The following FAM13C variants were observed in gnomAD, a reference collection of about 807,000 sequenced individuals.
FAM13C encodes the protein protein FAM13C.
Under a neutral mutation model 73.2 loss-of-function variants are expected in FAM13C, and 37 were observed. That is an observed-to-expected ratio of 0.51 (90% CI 0.39 to 0.67). The LOEUF (loss-of-function observed/expected upper bound fraction) is 0.67. Ranked by LOEUF, FAM13C falls within the 30% of genes least tolerant of loss-of-function variation. The pLI is 0.00. For synonymous variants in FAM13C, 246 were observed against 260.9 expected (o/e 0.94, Z 0.55); for missense variants, 589 against 715.6 (o/e 0.82, Z 2.02).
Position 59,323,991 on chromosome 10 carries a change from G to C in FAM13C, c.440C>G (p.Pro147Arg). ...FKCQETVRLQ[P>R]RIDQRTAISP... ...CTTCTGATAACAAAGGGCCCACCTT[G>C]GTTGAAGTCGCACTGTTTCTTGGCA... Residue 147 changes from proline (P) to arginine (R), a missense_variant, in exon 4 of 14, where the codon CCA becomes CGA. Coordinates refer to ENST00000618804, the MANE Select transcript of FAM13C (RefSeq NM_198215.4). The C allele has an allele frequency of 1.2e-6, 2 of 1,612,416 alleles. No homozygotes were observed.
intron 4 of FAM13C, among the ~76,000 whole-genome samples, chr10:59,321,431 CCTTTTTTTTTTTTT>C (rs1295070111): frequency 2.7e-5 from 3 of 109,856 alleles, no homozygotes; most frequent in Admixed American, 9.6e-5. Context: ...CCTGCCAACA[CCTTTTTTTTTTTTT>C]TTTTTTTTTT....
At chr10:59,308,712 A>G (rs887136712) in intron 4 of FAM13C, among the ~76,000 whole-genome samples, 1 of 152,222 alleles carries the variant, frequency 6.6e-6, no homozygotes, top group African/African-American at 2.4e-5. Flanking sequence ...TGCTGATATG[A>G]AAAGAGCTTT....
At chr10:59,254,233 C>T in intron 11 of FAM13C, 115 bp downstream of exon 11, 2 of 612,354 alleles carry the variant, frequency 3.3e-6, no homozygotes, top group Non-Finnish European at 5.3e-6. Context: ...GACAACTAGC[C>T]TTGTTTGCAG....
At chr10:59,339,373 C>T (rs1853190314) in intron 3 of FAM13C, among the ~76,000 whole-genome samples, 1 of 150,874 alleles carries the variant, frequency 6.6e-6, no homozygotes, top group African/African-American at 2.4e-5. Flanking sequence ...AAAGAAATTC[C>T]CTCTTATGGT....
chr10:59,346,059 C>CAGT (rs1287237094), intron 3 of FAM13C, among the ~76,000 whole-genome samples: 1 of 152,150 alleles, frequency 6.6e-6, no homozygotes, highest in East Asian at 1.9e-4. Flanking sequence ...TTTAGCTTTC[C>CAGT]AGTGCTTTCA....
At chr10:59,249,265 G>C (rs527567001) in intron 13 of FAM13C, among the ~76,000 whole-genome samples, 2 of 151,874 alleles carry the variant, frequency 1.3e-5, no homozygotes, top group South Asian at 4.1e-4. Flanking sequence ...TTAGCCACGC[G>C]TGGTGGCGTA....
intron 4 of FAM13C, among the ~76,000 whole-genome samples, chr10:59,311,407 T>C (rs2133933309): frequency 6.6e-6 from 1 of 152,314 alleles, no homozygotes; most frequent in South Asian, 2.1e-4. Context: ...GGAGTAATAA[T>C]TATAGCAGCA....
chr10:59,313,083 T>C (rs1849121071), intron 4 of FAM13C, among the ~76,000 whole-genome samples: 1 of 152,176 alleles, frequency 6.6e-6, no homozygotes, highest in South Asian at 2.1e-4. Flanking sequence ...AGTTAGTTCC[T>C]TTCTCCCTGA....
At chr10:59,284,321 A>T (rs919399279) in intron 5 of FAM13C, among the ~76,000 whole-genome samples, 2 of 151,992 alleles carry the variant, frequency 1.3e-5, no homozygotes, top group African/African-American at 4.8e-5. Flanking sequence ...GGTGAAAGTG[A>T]GTCAGCCTGA....
intron 9 of FAM13C, chr10:59,263,832 T>G (rs550813553): frequency 2.1e-6 from 1 of 476,176 alleles, no homozygotes; most frequent in East Asian, 3.8e-5. Context: ...TGTTGAAATG[T>G]TCCTGGCATT....
At chr10:59,272,578 T>C (rs1843834151) in intron 6 of FAM13C, among the ~76,000 whole-genome samples, 1 of 152,198 alleles carries the variant, frequency 6.6e-6, no homozygotes, top group Non-Finnish European at 1.5e-5. Context: ...GGCACATTAC[T>C]TTCTATCCCC....
At chr10:59,314,106 T>A (rs1849252073) in intron 4 of FAM13C, among the ~76,000 whole-genome samples, 1 of 152,036 alleles carries the variant, frequency 6.6e-6, no homozygotes, top group African/African-American at 2.4e-5. Context: ...AGAAGGTGCA[T>A]GAAAAGCTGG....
intron 4 of FAM13C, among the ~76,000 whole-genome samples, chr10:59,310,025 T>A (rs1185299232): frequency 6.6e-6 from 1 of 152,162 alleles, no homozygotes; most frequent in African/African-American, 2.4e-5. Context: ...CCTGAAGAGA[T>A]CTATGAAAGA....
chr10:59,254,316 C>T, intron 11 of FAM13C, 32 bp downstream of exon 11: 1 of 1,435,466 alleles, frequency 7.0e-7, no homozygotes, highest in South Asian at 1.3e-5. Flanking sequence ...CACATCAGTA[C>T]AAAGTAACAG....
At chr10:59,315,446 G>GT in intron 4 of FAM13C, among the ~76,000 whole-genome samples, 1 of 151,928 alleles carries the variant, frequency 6.6e-6, no homozygotes, top group African/African-American at 2.4e-5. Flanking sequence ...ATTTAGTGGG[G>GT]TTTTTTTTGT....
intron 8 of FAM13C, among the ~76,000 whole-genome samples, chr10:59,264,637 A>T (rs1247860794): frequency 6.6e-6 from 1 of 152,136 alleles, no homozygotes; most frequent in Admixed American, 6.6e-5. Context: ...CCCGTGGGAG[A>T]ATACTGAAAA....
intron 3 of FAM13C, 73 bp downstream of exon 3, chr10:59,352,197 G>C (rs1289940494): frequency 6.5e-7 from 1 of 1,550,230 alleles, no homozygotes; most frequent in Non-Finnish European, 8.8e-7. Flanking sequence ...CGCTCAAATC[G>C]TCTGCCAGAA....
chr10:59,310,403 A>C (rs1189368479), intron 4 of FAM13C, among the ~76,000 whole-genome samples: 2 of 152,228 alleles, frequency 1.3e-5, no homozygotes, highest in Admixed American at 1.3e-4. Flanking sequence ...GATGCCAATA[A>C]ATTCCAGTAA....
rs1057110939 is a variant in FAM13C, at chr10:59,321,432, C to CTTT, written c.443+2553_443+2555dup. On this transcript the variant is annotated intron_variant, in intron 4 of 13. Transcript: ENST00000618804. ...GAAAGGAATGGAGCCCTGCCAACACCTTTTTTTTTTTTTTTTTTTTTTTTT... is the reference window on the plus strand; with the variant it reads ...GAAAGGAATGGAGCCCTGCCAACACCTTTTTTTTTTTTTTTTTTTTTTTTTTTT... Among the ~76,000 whole-genome samples the CTTT allele has an allele frequency of 1.3e-3, 75 of 58,080 alleles. 4 individuals are homozygous for CTTT. Among genetic ancestry groups the CTTT allele is most frequent in the African/African-American group, 2.9e-3 (49 of 16,904 alleles). The allele number at this position is 58,080 out of a possible 152,430, so 38.1% of individuals were successfully genotyped here. A position where few individuals can be genotyped will look rare whatever the true frequency, so the allele number is the denominator to read the frequency against.
Sources: gnomAD v4.1 joint callset for allele counts (sites outside exome capture counted in the v4.1 genomes callset) on GRCh38, gnomAD v4.1.1 for gene constraint, MANE v1.5 for transcripts, NCBI Gene and HGNC (gene_info 2026-07-23, HGNC 2026-07-21) for gene names.